Variants in GLDC observed in about 807,000 individuals in gnomAD.
GLDC encodes glycine dehydrogenase (decarboxylating), mitochondrial.
A neutral mutation model predicts 121.3 loss-of-function variants in GLDC; 104 were observed. The ratio of observed to expected loss-of-function variants is 0.86; its 90% CI spans 0.73 to 1.01. The LOEUF is 1.01. Ranked by LOEUF, GLDC falls within the 50% of genes least tolerant of loss-of-function variation. The pLI, the probability that GLDC is intolerant of heterozygous loss-of-function variation, is 0.00. For missense variants in GLDC, 1,429 were observed against 1,306.6 expected, an observed-to-expected ratio of 1.09 and a Z score of -1.44; for synonymous variants, 546 against 480.6, an observed-to-expected ratio of 1.14 and a Z score of -1.78.
chr9:6,617,258 A>G (rs1386873641), intron 3 of GLDC, among the ~76,000 whole-genome samples: 1 of 152,218 alleles, frequency 6.6e-6, no homozygotes, highest in African/African-American at 2.4e-5. Flanking sequence ...AGAAAGAAAT[A>G]GTATTTAAAA....
intron 21 of GLDC, among the ~76,000 whole-genome samples, chr9:6,544,261 C>G (rs773606426): frequency 2.6e-5 from 4 of 152,070 alleles, no homozygotes; most frequent in African/African-American, 7.3e-5. Context: ...GTCAGGTAAG[C>G]GGGACTGAGC....
intron 2 of GLDC, among the ~76,000 whole-genome samples, chr9:6,629,957 A>ATATATTTTTTTTTT: frequency 1.6e-4 from 13 of 83,028 alleles, no homozygotes; most frequent in South Asian, 7.8e-4. Flanking sequence ...ATATATATAT[A>ATATATTTTTTTTTT]TTTTTTTTTT....
chr9:6,643,534 A>AT (rs35783846), intron 2 of GLDC, among the ~76,000 whole-genome samples: 50,563 of 150,618 alleles, frequency 0.34, 9,020 homozygotes, highest in East Asian at 0.57. Flanking sequence ...ACCAGATGAG[A>AT]TTTTTTTTAA....
Position 6,588,648 on chromosome 9 carries a change from G to A in GLDC, c.1635C>T (p.Asp545=), listed in dbSNP as rs2129837376. ...GAATCATGCTGTGAACAAGGGAAAT[G>A]TCTTTATTTTCCAGTTTCTTCATGT... The part of the protein sequence containing the change: ...VRYMKKLENK[D]ISLVHSMIPL... Residue 545 remains aspartate (D), a synonymous_variant, in exon 13 of 25, where the codon GAC becomes GAT. Transcript: ENST00000321612. 2.5e-6 allele frequency: 4 copies of A among 1,612,522 alleles called. No individual in the cohort carries two copies. Among genetic ancestry groups the A allele is most frequent in the Admixed American group, 3.3e-5 (2 of 60,010 alleles).
At chr9:6,544,063 C>T (rs1261386301) in intron 21 of GLDC, among the ~76,000 whole-genome samples, 1 of 152,140 alleles carries the variant, frequency 6.6e-6, no homozygotes, top group Non-Finnish European at 1.5e-5. Flanking sequence ...CCTTACTTAT[C>T]CCCCATCCTC....
intron 2 of GLDC, among the ~76,000 whole-genome samples, chr9:6,635,631 G>A (rs1332157838): frequency 1.3e-5 from 2 of 151,990 alleles, no homozygotes; most frequent in Non-Finnish European, 2.9e-5. Flanking sequence ...CCAGCATGTT[G>A]GCAGACCAAA....
chr9:6,552,935 C>A (rs545696741), intron 20 of GLDC, among the ~76,000 whole-genome samples: 31 of 151,834 alleles, frequency 2.0e-4, no homozygotes, highest in Non-Finnish European at 4.1e-4. Context: ...TCTGGCCCCC[C>A]CCAAGAAATA....
chr9:6,544,698 T>G (rs977015192), intron 21 of GLDC, among the ~76,000 whole-genome samples: 18 of 149,214 alleles, frequency 1.2e-4, no homozygotes, highest in African/African-American at 4.5e-4. Flanking sequence ...AAGAAAACGT[T>G]GGGATACTAA....
chr9:6,581,124 G>C (rs1818163320), intron 15 of GLDC, among the ~76,000 whole-genome samples: 1 of 152,202 alleles, frequency 6.6e-6, no homozygotes, highest in Admixed American at 6.5e-5. Context: ...AAGGCCCCCG[G>C]GGTGAAGCCT....
chr9:6,572,501 G>A (rs976720698), intron 15 of GLDC, among the ~76,000 whole-genome samples: 4 of 152,016 alleles, frequency 2.6e-5, no homozygotes, highest in Non-Finnish European at 4.4e-5. Context: ...GGAGAGACAC[G>A]GTCCTACACT....
chr9:6,611,103 A>G (rs1818841874), intron 3 of GLDC, among the ~76,000 whole-genome samples: 2 of 152,224 alleles, frequency 1.3e-5, no homozygotes, highest in Non-Finnish European at 1.5e-5. Context: ...CTACTTAAGA[A>G]TTCTCATTAT....
chr9:6,624,722 T>TA (rs1819195730), intron 2 of GLDC, among the ~76,000 whole-genome samples: 1 of 152,048 alleles, frequency 6.6e-6, no homozygotes, highest in Non-Finnish European at 1.5e-5. Flanking sequence ...CACGGTGGCT[T>TA]ACACCTGTAA....
chr9:6,600,447 C>T (rs866642064), intron 8 of GLDC, among the ~76,000 whole-genome samples: 7 of 151,642 alleles, frequency 4.6e-5, no homozygotes, highest in Non-Finnish European at 8.8e-5. Context: ...GAGGCCCAGG[C>T]AGGACCATCA....
At chr9:6,594,479 TG>T (rs1818448733) in intron 9 of GLDC, among the ~76,000 whole-genome samples, 1 of 152,054 alleles carries the variant, frequency 6.6e-6, no homozygotes, top group Non-Finnish European at 1.5e-5. Context: ...ACGGATTTCT[TG>T]AGGTCAGGAA....
At chr9:6,632,943 C>T (rs973279386) in intron 2 of GLDC, among the ~76,000 whole-genome samples, 1 of 152,064 alleles carries the variant, frequency 6.6e-6, no homozygotes, top group East Asian at 1.9e-4. Context: ...GCAGGCCGAT[C>T]GAGGGTCCTC....
At chr9:6,635,570 C>T (rs1484997116) in intron 2 of GLDC, among the ~76,000 whole-genome samples, 1 of 152,082 alleles carries the variant, frequency 6.6e-6, no homozygotes. Context: ...GACCCTGTCT[C>T]TAAATAATAA....
At chr9:6,563,043 C>T (rs925351485) in intron 16 of GLDC, among the ~76,000 whole-genome samples, 5 of 152,154 alleles carry the variant, frequency 3.3e-5, no homozygotes, top group Admixed American at 1.3e-4. Context: ...TCAGTGATGG[C>T]AGGATGGGCA....
At position 6,611,332 on chromosome 9, in the gene GLDC, C is replaced by T. The variant is rs761422079; in HGVS notation, c.471-976G>A. On this transcript the variant is annotated intron_variant, in intron 3 of 24. Transcript: ENST00000321612. ...ATTTTACTTGGGAGGTCAAGGCGGG[C>T]GGATCACGAGGTCAGGAGATCGAGA... 1.5e-3 allele frequency among the ~76,000 whole-genome samples: 227 copies of T among 152,258 alleles called. 2 individuals are homozygous for T. Among genetic ancestry groups the T allele is most frequent in the Middle Eastern group, 3.4e-3 (1 of 294 alleles).
chr9:6,615,773 G>T (rs1818956828), intron 3 of GLDC, among the ~76,000 whole-genome samples: 1 of 152,000 alleles, frequency 6.6e-6, no homozygotes, highest in Admixed American at 6.6e-5. Flanking sequence ...ACTAGGCCTG[G>T]CTAATTTTTT....
Sources: allele counts gnomAD v4.1 joint callset (sites outside exome capture counted in the v4.1 genomes callset), GRCh38; gene constraint gnomAD v4.1.1; transcripts MANE v1.5; gene names NCBI Gene and HGNC (gene_info 2026-07-23, HGNC 2026-07-21).